ADGRL2: variants seen among roughly 807,000 people sequenced by gnomAD.
ADGRL2 encodes adhesion G protein-coupled receptor L2, also known as calcium-independent alpha-latrotoxin receptor 2.
Under a neutral mutation model 157.4 loss-of-function variants are expected in ADGRL2, and 44 were observed. The observed-to-expected ratio is 0.28, with a 90% CI of 0.22 to 0.36. ADGRL2 has a LOEUF of 0.36. Among genes scored for constraint, ADGRL2 ranks in the 10% least tolerant of loss-of-function variants. The pLI is 1.00. For missense variants in ADGRL2, 1,510 were observed against 1,768.9 expected, an observed-to-expected ratio of 0.85 and a Z score of 2.63; for synonymous variants, 585 against 624.7, an observed-to-expected ratio of 0.94 and a Z score of 0.95.
chr1:81,377,952 G>T lies in ADGRL2; in HGVS notation c.-301-67084G>T, dbSNP rs890323416. On this transcript the variant is annotated intron_variant, in intron 1 of 24. Coordinates refer to the ADGRL2 transcript ENST00000370721. ...TCCCAACACTTTGGGAGGCTGAGGT[G>T]GGCAGATCACGAGGTCAAGAGATCG... Among the ~76,000 whole-genome samples the T allele has an allele frequency of 7.9e-5, 12 of 152,060 alleles. 1 individual carries two copies. Among genetic ancestry groups the T allele is most frequent in the Non-Finnish European group, 1.3e-4 (9 of 68,012 alleles).
At chr1:81,384,268 A>G (rs989190268) in intron 1 of ADGRL2, among the ~76,000 whole-genome samples, 13 of 152,218 alleles carry the variant, frequency 8.5e-5, no homozygotes, top group Non-Finnish European at 1.5e-4. Context: ...TGTCCTCTAC[A>G]TGAGGAAGTA....
intron 1 of ADGRL2, chr1:81,722,749 A>C: frequency 1.2e-6 from 1 of 842,168 alleles, no homozygotes; most frequent in Admixed American, 1.8e-5. Context: ...AAGAGTTAAG[A>C]AGGCTCAAGA....
chr1:81,767,014 C>T (rs913032968), intron 2 of ADGRL2, among the ~76,000 whole-genome samples: 1 of 151,950 alleles, frequency 6.6e-6, no homozygotes, highest in African/African-American at 2.4e-5. Flanking sequence ...TTTTCTCTAT[C>T]CCTTGCTTTT....
chr1:81,555,925 C>T (rs991401118), intron 2 of ADGRL2, among the ~76,000 whole-genome samples: 1 of 152,046 alleles, frequency 6.6e-6, no homozygotes, highest in African/African-American at 2.4e-5. Flanking sequence ...CAGTGTCTGC[C>T]CCCATTAAAC....
intron 2 of ADGRL2, among the ~76,000 whole-genome samples, chr1:81,789,158 G>C (rs773170335): frequency 3.3e-5 from 5 of 152,156 alleles, no homozygotes; most frequent in Non-Finnish European, 7.3e-5. Context: ...TTTTATACAG[G>C]CCACAGCAGT....
chr1:81,817,894 G>T (rs989801066), intron 1 of ADGRL2, among the ~76,000 whole-genome samples: 1 of 151,998 alleles, frequency 6.6e-6, no homozygotes, highest in Non-Finnish European at 1.5e-5. Flanking sequence ...GCCAAGTGCG[G>T]TGTCTCATGC....
At chr1:81,360,595 AC>A (rs2100907683) in intron 1 of ADGRL2, among the ~76,000 whole-genome samples, 1 of 152,058 alleles carries the variant, frequency 6.6e-6, no homozygotes, top group South Asian at 2.1e-4. Flanking sequence ...AAATGTGCTT[AC>A]TTTCTGTCTA....
chr1:81,925,320 C>G (rs1358065338), intron 3 of ADGRL2, among the ~76,000 whole-genome samples: 1 of 151,826 alleles, frequency 6.6e-6, no homozygotes, highest in Non-Finnish European at 1.5e-5. Context: ...TTTTTATTCC[C>G]TTCTACACAA....
chr1:81,705,872 A>G (rs1190777156), intron 1 of ADGRL2, among the ~76,000 whole-genome samples: 1 of 152,046 alleles, frequency 6.6e-6, no homozygotes, highest in Non-Finnish European at 1.5e-5. Context: ...TGTGAGCTAT[A>G]TGCACTCCAG....
chr1:81,634,987 TC>T (rs2082088547), intron 3 of ADGRL2, among the ~76,000 whole-genome samples: 1 of 152,168 alleles, frequency 6.6e-6, no homozygotes, highest in Non-Finnish European at 1.5e-5. Flanking sequence ...TTGCTTGACC[TC>T]CACAGGTGCA....
chr1:81,331,934 A>G (rs1328484229), intron 1 of ADGRL2, among the ~76,000 whole-genome samples: 1 of 152,140 alleles, frequency 6.6e-6, no homozygotes, highest in Non-Finnish European at 1.5e-5. Flanking sequence ...AGCACAAAAA[A>G]ATTAAGTCAC....
At chr1:81,621,598 C>T (rs974918173) in intron 3 of ADGRL2, among the ~76,000 whole-genome samples, 1 of 152,180 alleles carries the variant, frequency 6.6e-6, no homozygotes, top group Non-Finnish European at 1.5e-5. Context: ...TTTCCAACAA[C>T]ATAAATGAGC....
intron 1 of ADGRL2, among the ~76,000 whole-genome samples, chr1:81,802,993 G>C (rs566019452): frequency 6.6e-5 from 10 of 152,244 alleles, no homozygotes; most frequent in African/African-American, 2.4e-4. Flanking sequence ...GGGACCCGGC[G>C]GGCCACGGGG....
At chr1:81,602,451 G>A (rs765070210) in intron 3 of ADGRL2, among the ~76,000 whole-genome samples, 3 of 152,152 alleles carry the variant, frequency 2.0e-5, no homozygotes, top group Non-Finnish European at 2.9e-5. Flanking sequence ...AAAATAGCCC[G>A]GCGTGGTGGT....
At position 81,952,879 on chromosome 1, in the gene ADGRL2, TA is replaced by T. The variant is rs1652298427; in HGVS notation, c.1795-105del. 53 of 834,168 alleles carry T rather than the reference TA, an allele frequency of 6.4e-5. No individual in the cohort carries two copies. In the South Asian group the frequency reaches 7.4e-4, roughly 12 times the overall value. The allele number at this position is 834,168 out of a possible 1,614,324, so 51.7% of individuals were successfully genotyped here. On this transcript the variant is annotated intron_variant, in intron 9 of 23. Transcript: ENST00000686636. ...TCAGACTCCAGAGGACTACTGCATATAAACTTCGAGCTCTGGAACACCAGCT... is the reference window on the plus strand; with the variant it reads ...TCAGACTCCAGAGGACTACTGCATATAACTTCGAGCTCTGGAACACCAGCT...
At chr1:81,536,077 G>T (rs1460201683) in intron 2 of ADGRL2, among the ~76,000 whole-genome samples, 1 of 151,994 alleles carries the variant, frequency 6.6e-6, no homozygotes, top group African/African-American at 2.4e-5. Context: ...GCAAAATATA[G>T]GCATCCACCT....
At chr1:81,850,076 A>G (rs75034182) in intron 2 of ADGRL2, among the ~76,000 whole-genome samples, 1 of 152,072 alleles carries the variant, frequency 6.6e-6, no homozygotes, top group African/African-American at 2.4e-5. Flanking sequence ...AAACAGCCAC[A>G]TTAATTTTAA....
rs1664573561 is a variant in ADGRL2, at chr1:81,991,370, GAA to G, written c.*228_*229del. 2.8e-6 allele frequency: 1 copy of G among 351,900 alleles called. No homozygotes were observed. The highest frequency in any genetic ancestry group is 4.2e-5 in the Admixed American group (1 of 23,594). 21.8% of individuals were successfully genotyped at this position (351,900 alleles called of 1,614,324 possible). ...ACTAAAGTGAATTATTTGTTACAAA[GAA>G]AAGAGATGCCAGCCAGGTATTTTAA... is the stretch of plus-strand genomic sequence containing the variant. On this transcript the variant is annotated 3_prime_UTR_variant, in exon 24 of 24. Transcript: ENST00000686636.
chr1:81,363,738 G>A (rs561282932), intron 1 of ADGRL2, among the ~76,000 whole-genome samples: 117 of 152,096 alleles, frequency 7.7e-4, no homozygotes, highest in Non-Finnish European at 1.3e-3. Context: ...TAAAGAAAGG[G>A]AACTTTCTTA....
Sources: allele counts gnomAD v4.1 joint callset (sites outside exome capture counted in the v4.1 genomes callset), GRCh38; gene constraint gnomAD v4.1.1; transcripts MANE v1.5; gene names NCBI Gene and HGNC (gene_info 2026-07-23, HGNC 2026-07-21).